The following TSPAN3 variants were observed in gnomAD, a reference collection of about 807,000 sequenced individuals.
TSPAN3 encodes the protein tetraspanin 3.
TSPAN3 carries 9 observed loss-of-function variants against 31.1 expected under a neutral mutation model. That is an observed-to-expected ratio of 0.29 (90% CI 0.17 to 0.50). The LOEUF is 0.50. TSPAN3 is among the 20% of genes least tolerant of loss of function. The pLI is 0.98. For missense variants in TSPAN3, 252 were observed against 313.5 expected, an observed-to-expected ratio of 0.80 and a Z score of 1.48; for synonymous variants, 129 against 114.3, an observed-to-expected ratio of 1.13 and a Z score of -0.82.
chr15:77,054,078 G>T, intron 4 of TSPAN3, 100 bp downstream of exon 4: 1 of 833,160 alleles, frequency 1.2e-6, no homozygotes, highest in Non-Finnish European at 2.0e-6. Flanking sequence ...AGCCATGTAT[G>T]TGAAGAAACA....
chr15:77,065,126 C>T (rs72742460), intron 1 of TSPAN3, among the ~76,000 whole-genome samples: 218 of 152,310 alleles, frequency 1.4e-3, no homozygotes, highest in Non-Finnish European at 2.6e-3. Context: ...TCCAAATCAC[C>T]CAAGTCAGCA....
intron 1 of TSPAN3, among the ~76,000 whole-genome samples, chr15:77,056,460 G>A (rs772722862): frequency 1.3e-5 from 2 of 151,122 alleles, no homozygotes; most frequent in African/African-American, 2.4e-5. Flanking sequence ...TACTTTTCAC[G>A]AATTGATGGT....
At position 77,057,536 on chromosome 15, in the gene TSPAN3, A is replaced by C. The variant is rs866823391; in HGVS notation, c.64-1281T>G. Reference sequence around the variant, plus strand: ...TCCATTTATGTAAATTTGGGAAAGTAATTTGATTTTTTAAAATGTAACATG... The same window carrying C: ...TCCATTTATGTAAATTTGGGAAAGTCATTTGATTTTTTAAAATGTAACATG... On this transcript the variant is annotated intron_variant, in intron 1 of 6. Transcript: ENST00000267970. Among the ~76,000 whole-genome samples the C allele has an allele frequency of 5.3e-5, 8 of 152,214 alleles. No individual in the cohort carries two copies. The South Asian group carries it at 1.4e-3, about 28-fold the overall frequency.
intron 1 of TSPAN3, among the ~76,000 whole-genome samples, chr15:77,069,205 C>T (rs2076851665): frequency 6.6e-6 from 1 of 152,110 alleles, no homozygotes. Flanking sequence ...TAACGAGATG[C>T]TATGAGAATT....
At position 77,052,374 on chromosome 15, in the gene TSPAN3, G is replaced by A. The variant is rs2152695639; in HGVS notation, c.669+11C>T. On this transcript the variant is annotated intron_variant, in intron 6 of 6. Coordinates refer to ENST00000267970, the MANE Select transcript of TSPAN3 (RefSeq NM_005724.6). ...TCACTCCGATAGAACTCCTTGGCAA[G>A]CTGTGCTTACCTGAATAGCTGCAAA... 1.2e-5 allele frequency: 19 copies of A among 1,613,752 alleles called. No individual in the cohort carries two copies. Among genetic ancestry groups the A allele is most frequent in the Non-Finnish European group, 1.5e-5 (18 of 1,179,620 alleles).
rs144296073 is a variant in TSPAN3 at position 77,046,517 on chromosome 15, A to C, written c.*318T>G. ...GTGACATTTCGGCATCAGTCCTGTT[A>C]CCACTTGGAGGTAACAGAAGCAGGC... On this transcript the variant is annotated 3_prime_UTR_variant, in exon 7 of 7. Coordinates refer to ENST00000267970, the MANE Select transcript of TSPAN3 (RefSeq NM_005724.6). 1 of 448,946 alleles carries C rather than the reference A, an allele frequency of 2.2e-6. No homozygotes were observed. Among genetic ancestry groups the C allele is most frequent in the Non-Finnish European group, 3.9e-6 (1 of 254,934 alleles). The allele number at this position is 448,946 out of a possible 1,614,324, so 27.8% of individuals were successfully genotyped here.
In TSPAN3 at chr15:77,067,043, C is replaced by CATTAATCCATTAATCCATGAATGG. The variant is rs560495868; in HGVS notation, c.63+3825_63+3848dup. On this transcript the variant is annotated intron_variant, in intron 1 of 6. Transcript: ENST00000267970. ...CACCAGTCCCATTCCCATGAAAACCCATTAATCCATTAATCCATGAATGGA... is the reference window on the plus strand; with the variant it reads ...CACCAGTCCCATTCCCATGAAAACCCATTAATCCATTAATCCATGAATGGATTAATCCATTAATCCATGAATGGA... 3.4e-4 allele frequency among the ~76,000 whole-genome samples: 52 copies of CATTAATCCATTAATCCATGAATGG among 152,050 alleles called. 1 individual carries two copies. In the East Asian group the frequency reaches 7.6e-3, roughly 22 times the overall value.
intron 1 of TSPAN3, among the ~76,000 whole-genome samples, chr15:77,070,369 ACAGT>A (rs1472310378): frequency 1.6e-4 from 25 of 152,276 alleles, no homozygotes; most frequent in Non-Finnish European, 3.2e-4. Flanking sequence ...TGGGCTGGTG[ACAGT>A]CAGCCGGTTC....
At chr15:77,056,359 A>C in intron 1 of TSPAN3, 104 bp from the exon 2 acceptor site, 2 of 888,170 alleles carry the variant, frequency 2.3e-6, no homozygotes, top group Non-Finnish European at 3.2e-6. Context: ...TAACTGTTAT[A>C]GACTTTTTTC....
intron 6 of TSPAN3, among the ~76,000 whole-genome samples, chr15:77,051,346 G>T (rs536907800): frequency 2.2e-4 from 34 of 151,928 alleles, no homozygotes; most frequent in African/African-American, 8.2e-4. Flanking sequence ...TGGCCAACAT[G>T]GTAAAAACCT....
chr15:77,070,586 G>GGC (rs910266331), intron 1 of TSPAN3, among the ~76,000 whole-genome samples: 16 of 151,632 alleles, frequency 1.1e-4, no homozygotes, highest in Admixed American at 8.5e-4. Flanking sequence ...CGACTCCGGG[G>GGC]GGGGGAGACT....
At chr15:77,068,998 A>T (rs1205554811) in intron 1 of TSPAN3, among the ~76,000 whole-genome samples, 2 of 152,204 alleles carry the variant, frequency 1.3e-5, no homozygotes, top group African/African-American at 2.4e-5. Flanking sequence ...TTGGGTATGT[A>T]CCCAGTAGTG....
intron 6 of TSPAN3, among the ~76,000 whole-genome samples, chr15:77,048,523 A>C (rs1392521403): frequency 6.6e-6 from 1 of 152,184 alleles, no homozygotes. Flanking sequence ...AACTTGATAA[A>C]ATTCTACTCA....
At position 77,046,263 on chromosome 15, in the gene TSPAN3, T is replaced by C. The variant is rs938335433; in HGVS notation, c.*572A>G. ...GATTAAAAACCACTAGTTTCAAAGC[T>C]CAGTCTCTGATTTTGAAGATGAACC... On this transcript the variant is annotated 3_prime_UTR_variant, in exon 7 of 7. Transcript: ENST00000267970. The C allele has an allele frequency of 2.5e-6, 1 of 397,302 alleles. No homozygotes were observed. Among genetic ancestry groups the C allele is most frequent in the Admixed American group, 4.4e-5 (1 of 22,716 alleles). The allele number at this position is 397,302 out of a possible 1,614,324, so 24.6% of individuals were successfully genotyped here.
chr15:77,070,853 C>G, intron 1 of TSPAN3, 39 bp downstream of exon 1: 1 of 1,244,146 alleles, frequency 8.0e-7, no homozygotes, highest in African/African-American at 1.6e-5. Flanking sequence ...CCTCGCCCGG[C>G]CCCGCCGCCG....
chr15:77,061,644 C>CAA (rs1465232180), intron 1 of TSPAN3, among the ~76,000 whole-genome samples: 1 of 152,108 alleles, frequency 6.6e-6, no homozygotes, highest in African/African-American at 2.4e-5. Context: ...AGATTTGCTA[C>CAA]AAGTGGGGAG....
At chr15:77,059,529 T>C (rs2076788409) in intron 1 of TSPAN3, among the ~76,000 whole-genome samples, 1 of 152,236 alleles carries the variant, frequency 6.6e-6, no homozygotes, top group Admixed American at 6.5e-5. Flanking sequence ...AAGTAAATAG[T>C]ATCAGTCCTC....
intron 6 of TSPAN3, among the ~76,000 whole-genome samples, chr15:77,049,322 G>C (rs1448707955): frequency 6.6e-6 from 1 of 152,062 alleles, no homozygotes; most frequent in South Asian, 2.1e-4. Flanking sequence ...CATGGCCTTG[G>C]GAAACAGTTC....
intron 2 of TSPAN3, 91 bp from the exon 3 acceptor site, chr15:77,055,954 C>T (rs976436129): frequency 2.6e-6 from 4 of 1,521,056 alleles, no homozygotes; most frequent in Non-Finnish European, 3.5e-6. Context: ...GAGATAATTG[C>T]TAGAAGTTTA....
Sources: gnomAD v4.1 joint callset for allele counts (sites outside exome capture counted in the v4.1 genomes callset) on GRCh38, gnomAD v4.1.1 for gene constraint, MANE v1.5 for transcripts, NCBI Gene and HGNC (gene_info 2026-07-23, HGNC 2026-07-21) for gene names.